Variants in AGAP3 observed in about 807,000 individuals in gnomAD.
The protein encoded by AGAP3 is ArfGAP with GTPase domain, ankyrin repeat and PH domain 3.
Under a neutral mutation model 96.9 loss-of-function variants are expected in AGAP3, and 24 were observed. The ratio of observed to expected loss-of-function variants is 0.25; its 90% confidence interval spans 0.18 to 0.35. AGAP3 has a LOEUF of 0.35. AGAP3 is among the 10% of genes least tolerant of loss of function. The pLI, the probability that AGAP3 is intolerant of heterozygous loss-of-function variation, is 1.00. For synonymous variants in AGAP3, 563 were observed against 536.1 expected (o/e 1.05, Z -0.69); for missense variants, 876 against 1,254.2 (o/e 0.70, Z 4.55).
intron 8 of AGAP3, 125 bp downstream of exon 8, chr7:151,120,270 C>T: frequency 1.9e-6 from 2 of 1,031,752 alleles, no homozygotes; most frequent in East Asian, 2.6e-5. Flanking sequence ...GCAGTCTCTC[C>T]CTCAGATACA....
intron 12 of AGAP3, among the ~76,000 whole-genome samples, chr7:151,138,749 G>A (rs1800706530): frequency 6.6e-6 from 1 of 152,206 alleles, no homozygotes; most frequent in Admixed American, 6.5e-5. Flanking sequence ...GTCGGACGGA[G>A]GCTGGGCGCT....
intron 1 of AGAP3, 94 bp from the exon 2 acceptor site, chr7:151,116,699 C>CT: frequency 6.9e-7 from 1 of 1,439,718 alleles, no homozygotes; most frequent in Non-Finnish European, 9.8e-7. Flanking sequence ...CTGGCCTGGG[C>CT]TTGGGGAGGG....
chr7:151,114,812 G>C lies in AGAP3; in HGVS notation c.332-1981G>C. The C allele has an allele frequency of 9.5e-7, 1 of 1,056,104 alleles. No individual in the cohort carries two copies. Among genetic ancestry groups the C allele is most frequent in the Non-Finnish European group, 1.1e-6 (1 of 877,124 alleles). The allele number at this position is 1,056,104 out of a possible 1,614,324, so 65.4% of individuals were successfully genotyped here. ...CGCAGGGGGACAGCTGTCCCGGGGA[G>C]CGGCCCGCCGCTTGCCGCCGCGCCC... On this transcript the variant is annotated intron_variant, in intron 1 of 17. Transcript: ENST00000397238. This position sits in a 1 kb window ranked among gnomAD's most constrained non-coding sequence, Gnocchi z 4.4.
chr7:151,136,659 G>A (rs1439537442), intron 11 of AGAP3: 1 of 152,174 alleles, frequency 6.6e-6, no homozygotes, highest in Non-Finnish European at 1.5e-5. Flanking sequence ...GTAATGAGGG[G>A]AGAATTAACA....
intron 1 of AGAP3, chr7:151,115,277 G>A (rs1030610196): frequency 5.8e-4 from 578 of 1,002,246 alleles, no homozygotes; most frequent in Non-Finnish European, 6.7e-4. Context: ...GCTGGCCAGT[G>A]CTGCGCGGCG....
At chr7:151,091,338 G>A (rs187579242) in intron 1 of AGAP3, among the ~76,000 whole-genome samples, 60 of 152,366 alleles carry the variant, frequency 3.9e-4, no homozygotes, top group African/African-American at 1.4e-3. Context: ...GCTTATGCAG[G>A]ACTTTGCTCG....
At chr7:151,115,635 C>G (rs1460665217) in intron 1 of AGAP3, 12 of 1,168,498 alleles carry the variant, frequency 1.0e-5, no homozygotes, top group Non-Finnish European at 1.2e-5. Flanking sequence ...CCTGCGCGCG[C>G]CCAGCGGTAA....
In AGAP3 at chr7:151,128,568, C is replaced by T. The variant is rs775842554; in HGVS notation, c.1222-12C>T. 1.1e-5 allele frequency: 18 copies of T among 1,612,900 alleles called. No individual in the cohort carries two copies. Among genetic ancestry groups the T allele is most frequent in the Middle Eastern group, 1.6e-4 (1 of 6,076 alleles). On this transcript the variant is annotated splice_polypyrimidine_tract_variant and intron_variant, in intron 9 of 17. Transcript: ENST00000397238. ...GCTGGCTCCTGGTTTCTGATCAGAC[C>T]TCTGTTCTCAGGGGATCCTGCTAAA...
At chr7:151,103,540 T>G (rs532848244) in intron 1 of AGAP3, among the ~76,000 whole-genome samples, 10 of 152,288 alleles carry the variant, frequency 6.6e-5, no homozygotes, top group African/African-American at 1.9e-4. Context: ...TGTCACTGCC[T>G]CATGCTCACA....
At chr7:151,129,288 G>C (rs368161145) in intron 10 of AGAP3, among the ~76,000 whole-genome samples, 38 of 152,082 alleles carry the variant, frequency 2.5e-4, no homozygotes, top group African/African-American at 8.4e-4. Flanking sequence ...ACCCCACTGT[G>C]GGGCTAATGA....
In AGAP3 at chr7:151,117,392, T is replaced by C; in HGVS notation, c.500T>C (p.Ile167Thr). 6.2e-7 allele frequency: 1 copy of C among 1,614,082 alleles called. No homozygotes were observed. The highest frequency in any genetic ancestry group is 8.5e-7 in the Non-Finnish European group (1 of 1,179,988). ...SPEGGRFKKE[I>T]VVDGQSYLLL... ...CTAGGGGGGCGGTTTAAGAAGGAGATTGTGGTGGATGGCCAGAGTTACCTG... is the reference window on the plus strand; with the variant it reads ...CTAGGGGGGCGGTTTAAGAAGGAGACTGTGGTGGATGGCCAGAGTTACCTG... The change falls in exon 4 of 18, where the codon ATT becomes ACT. Residue 167 changes from isoleucine to threonine, a missense_variant. Physicochemically the swap from Ile to Thr is moderately conservative, Grantham distance 89 (BLOSUM62 -1). Transcript: ENST00000397238.
intron 1 of AGAP3, among the ~76,000 whole-genome samples, chr7:151,091,766 A>C (rs963666322): frequency 6.6e-6 from 1 of 152,216 alleles, no homozygotes; most frequent in African/African-American, 2.4e-5. Flanking sequence ...CCAGGGTCTC[A>C]GCTCTGGCTC....
At chr7:151,109,199 G>A (rs971093192) in intron 1 of AGAP3, among the ~76,000 whole-genome samples, 1 of 149,842 alleles carries the variant, frequency 6.7e-6, no homozygotes, top group African/African-American at 2.5e-5. Context: ...AAAAAACAAA[G>A]AAAACAAAGA....
At position 151,115,393 on chromosome 7, in the gene AGAP3, T is replaced by A. The variant is rs887492660; in HGVS notation, c.332-1400T>A. The A allele has an allele frequency of 9.5e-4, 970 of 1,019,884 alleles. 2 individuals are homozygous for A. The highest frequency in any genetic ancestry group is 1.4e-3 in the Middle Eastern group (3 of 2,084). 63.2% of individuals were successfully genotyped at this position (1,019,884 alleles called of 1,614,324 possible). A position where few individuals can be genotyped will look rare whatever the true frequency, so the allele number is the denominator to read the frequency against. ...GTGCGGCGCTCCGAGTCAGGGCTGCTGGCCCGGCCGCCGCGCGCGCGCACC... is the reference window on the plus strand; with the variant it reads ...GTGCGGCGCTCCGAGTCAGGGCTGCAGGCCCGGCCGCCGCGCGCGCGCACC... On this transcript the variant is annotated intron_variant, in intron 1 of 17. Coordinates refer to ENST00000397238, the MANE Select transcript of AGAP3 (RefSeq NM_031946.7).
At chr7:151,115,799 A>G (rs921641560) in intron 1 of AGAP3, among the ~76,000 whole-genome samples, 1 of 152,072 alleles carries the variant, frequency 6.6e-6, no homozygotes, top group African/African-American at 2.4e-5. Context: ...GGTCTTCGGC[A>G]GTGGCCGAGG....
chr7:151,123,865 C>G lies in AGAP3; in HGVS notation c.1200C>G (p.Gly400=). ...AECKVDSIGS[G]RAIPIKQGIL... The stretch of plus-strand genomic sequence containing the variant: ...GCAAGGTGGACAGCATCGGGAGCGG[C>G]CGCGCCATCCCCATCAAGCAGGTCA... Residue 400 remains glycine, a synonymous_variant, in exon 9 of 18, where the codon GGC becomes GGG. Transcript: ENST00000397238. The G allele has an allele frequency of 1.9e-6, 3 of 1,609,762 alleles. No individual in the cohort carries two copies. The highest frequency in any genetic ancestry group is 2.5e-6 in the Non-Finnish European group (3 of 1,179,856).
chr7:151,114,672 C>A lies in AGAP3; in HGVS notation c.332-2121C>A. The A allele has an allele frequency of 1.0e-6, 1 of 982,786 alleles. No homozygotes were observed. The highest frequency in any genetic ancestry group is 1.2e-6 in the Non-Finnish European group (1 of 826,166). The allele number at this position is 982,786 out of a possible 1,614,324, so 60.9% of individuals were successfully genotyped here. ...GACTCGGTCGGCCCACACCAGGTGC[C>A]CAGAGGCCGGAGGTCCGTGCGCCCC... is the stretch of plus-strand genomic sequence containing the variant. On this transcript the variant is annotated intron_variant, in intron 1 of 17. Transcript: ENST00000397238. The surrounding 1 kb of genome is among the most constrained non-coding windows in gnomAD (Gnocchi z 4.4).
At chr7:151,126,597 C>T (rs1040116408) in intron 9 of AGAP3, among the ~76,000 whole-genome samples, 1 of 152,168 alleles carries the variant, frequency 6.6e-6, no homozygotes, top group South Asian at 2.1e-4. Flanking sequence ...TCCAAGGCAT[C>T]TCCAGAGCCT....
In AGAP3 at chr7:151,143,517, A is replaced by C; in HGVS notation, c.2450A>C (p.Tyr817Ser). The C allele has an allele frequency of 6.2e-7, 1 of 1,614,136 alleles. No homozygotes were observed. The highest frequency in any genetic ancestry group is 8.5e-7 in the Non-Finnish European group (1 of 1,180,010). Residue 817 changes from tyrosine to serine, a missense_variant, in exon 17 of 18, where the codon TAT (tyrosine) becomes TCT (serine). By Grantham distance (144) the Tyr-to-Ser change is moderately radical. Transcript: ENST00000397238. The surrounding 1 kb of genome is among the most constrained non-coding windows in gnomAD (Gnocchi z 5.9). ...HGSKEEVNET[Y>S]GDGDGRTALH... ...TCCAAAGAGGAGGTGAATGAGACCT[A>C]TGGGGACGGGGACGGGCGGACGGCT...
Sources: allele counts gnomAD v4.1 joint callset (sites outside exome capture counted in the v4.1 genomes callset), GRCh38; gene constraint gnomAD v4.1.1; non-coding constraint Gnocchi (gnomAD v3.1); transcripts MANE v1.5; gene names NCBI Gene and HGNC (gene_info 2026-07-23, HGNC 2026-07-21).